ASAP1: variants seen among roughly 807,000 people sequenced by gnomAD.
The protein encoded by ASAP1 is arf-GAP with SH3 domain, ANK repeat and PH domain-containing protein 1.
In ASAP1, 43 loss-of-function variants were observed where a neutral mutation model predicts 145.2. The ratio of observed to expected loss-of-function variants is 0.30; its 90% CI spans 0.23 to 0.38. The LOEUF is 0.38. Among genes scored for constraint, ASAP1 ranks in the 10% least tolerant of loss-of-function variants. The pLI is 1.00. For missense variants in ASAP1, 1,018 were observed against 1,355.3 expected (o/e 0.75, Z 3.91); for synonymous variants, 546 against 515.5 (o/e 1.06, Z -0.80).
chr8:130,161,931 G>C (rs2097670009), intron 11 of ASAP1, among the ~76,000 whole-genome samples: 1 of 152,126 alleles, frequency 6.6e-6, no homozygotes, highest in Admixed American at 6.5e-5. Flanking sequence ...CTTCTGAGTA[G>C]CTGGGACTAC....
At chr8:130,375,946 A>G (rs1208457032) in intron 2 of ASAP1, among the ~76,000 whole-genome samples, 1 of 152,180 alleles carries the variant, frequency 6.6e-6, no homozygotes, top group East Asian at 1.9e-4. Flanking sequence ...TGTCCTGAGG[A>G]GTAGTGGGGA....
chr8:130,137,112 G>T, intron 13 of ASAP1, 74 bp from the exon 14 acceptor site: 2 of 1,256,702 alleles, frequency 1.6e-6, no homozygotes, highest in Non-Finnish European at 2.3e-6. Flanking sequence ...GCCCTGTAGG[G>T]CAGGTATGCT....
intron 27 of ASAP1, among the ~76,000 whole-genome samples, chr8:130,070,876 G>A (rs1468461557): frequency 4.1e-4 from 7 of 17,272 alleles, no homozygotes; most frequent in African/African-American, 5.2e-4. Context: ...GGAGAGAGAG[G>A]GAGAGAGGGA....
intron 5 of ASAP1, among the ~76,000 whole-genome samples, chr8:130,196,441 G>A (rs1815496944): frequency 6.6e-6 from 1 of 152,192 alleles, no homozygotes; most frequent in South Asian, 2.1e-4. Flanking sequence ...GGGCCTGCAG[G>A]TGGAGTGCCC....
intron 1 of ASAP1, among the ~76,000 whole-genome samples, chr8:130,437,492 TC>T (rs1484436310): frequency 6.6e-6 from 1 of 152,178 alleles, no homozygotes; most frequent in Non-Finnish European, 1.5e-5. Context: ...CTTCTGGTTT[TC>T]CCACCCACCG....
At chr8:130,135,372 C>T (rs2097592160) in intron 14 of ASAP1, among the ~76,000 whole-genome samples, 1 of 152,068 alleles carries the variant, frequency 6.6e-6, no homozygotes, top group African/African-American at 2.4e-5. Flanking sequence ...CCTGTGGTCC[C>T]AGCTACTTGG....
chr8:130,304,666 ACAGG>A (rs1460036682), intron 3 of ASAP1, among the ~76,000 whole-genome samples: 1 of 152,188 alleles, frequency 6.6e-6, no homozygotes, highest in East Asian at 1.9e-4. Context: ...TCAATTTTAC[ACAGG>A]AAGTACATCA....
chr8:130,159,619 A>G (rs2097665113), intron 12 of ASAP1, among the ~76,000 whole-genome samples: 1 of 151,456 alleles, frequency 6.6e-6, no homozygotes, highest in South Asian at 2.1e-4. Context: ...TGCATGTGCT[A>G]CTCAGTAGCT....
chr8:130,232,524 GT>G (rs1245994792), intron 4 of ASAP1, among the ~76,000 whole-genome samples: 2 of 151,834 alleles, frequency 1.3e-5, no homozygotes, highest in African/African-American at 4.8e-5. Flanking sequence ...TGAGTTTTGT[GT>G]TGTTTTTTAA....
chr8:130,354,519 C>CT lies in ASAP1; in HGVS notation c.186+3497dup, dbSNP rs1188158769. On this transcript the variant is annotated intron_variant, in intron 3 of 29. Transcript: ENST00000518721. ...ACAAAGGTACTAAGTATTAGCCACT[C>CT]TAAGTCTTTAAATAGAGGGTCCCTT... 3.3e-5 allele frequency among the ~76,000 whole-genome samples: 5 copies of CT among 152,280 alleles called. No homozygotes were observed. The South Asian group carries it at 6.2e-4, about 19-fold the overall frequency.
intron 3 of ASAP1, among the ~76,000 whole-genome samples, chr8:130,323,461 A>C (rs1824137221): frequency 6.6e-6 from 1 of 152,236 alleles, no homozygotes; most frequent in Admixed American, 6.5e-5. Flanking sequence ...TCTATCAGAC[A>C]AATATAAGTA....
At chr8:130,086,323 C>T (rs557909760) in intron 25 of ASAP1, among the ~76,000 whole-genome samples, 11 of 152,352 alleles carry the variant, frequency 7.2e-5, no homozygotes, top group African/African-American at 2.6e-4. Context: ...AGCATTTTCT[C>T]TCTGTGTAAC....
At chr8:130,115,305 A>T (rs1356080125) in intron 23 of ASAP1, among the ~76,000 whole-genome samples, 1 of 152,240 alleles carries the variant, frequency 6.6e-6, no homozygotes, top group Non-Finnish European at 1.5e-5. Context: ...TAGCCTGAAG[A>T]CTGCAACATT....
chr8:130,418,973 C>G (rs899828841), intron 1 of ASAP1, among the ~76,000 whole-genome samples: 7 of 152,060 alleles, frequency 4.6e-5, no homozygotes, highest in Non-Finnish European at 1.0e-4. Context: ...AGGAGACCCT[C>G]CCTAAGAGGC....
intron 24 of ASAP1, among the ~76,000 whole-genome samples, chr8:130,099,247 C>T (rs1031437333): frequency 1.3e-5 from 2 of 151,192 alleles, no homozygotes; most frequent in African/African-American, 2.4e-5. Context: ...GGCGAGATCT[C>T]GGCTCACTGC....
At chr8:130,212,030 T>C (rs545696426) in intron 5 of ASAP1, among the ~76,000 whole-genome samples, 11 of 152,046 alleles carry the variant, frequency 7.2e-5, no homozygotes, top group African/African-American at 1.9e-4. Flanking sequence ...TCGGGGTGAG[T>C]TGGCTTTCTG....
chr8:130,405,247 C>A (rs983771344), intron 1 of ASAP1, among the ~76,000 whole-genome samples: 1 of 151,344 alleles, frequency 6.6e-6, no homozygotes, highest in Non-Finnish European at 1.5e-5. Flanking sequence ...AACAATCCTG[C>A]AAGGGAGACA....
Position 130,054,347 on chromosome 8 carries a change from T to A in ASAP1, c.*384A>T. ...AATGTTGCATTTTCAGTAACACAAT[T>A]GAGAATACTGCATTGTTAGGAACAG... On this transcript the variant is annotated 3_prime_UTR_variant, in exon 30 of 30. Transcript: ENST00000518721. The A allele has an allele frequency of 5.6e-6, 1 of 178,432 alleles. No homozygotes were observed. 11.1% of individuals were successfully genotyped at this position (178,432 alleles called of 1,614,324 possible).
chr8:130,169,024 A>T lies in ASAP1; in HGVS notation c.790T>A (p.Tyr264Asn). Residue 264 changes from tyrosine (Y) to asparagine (N), a missense_variant, in exon 10 of 30, where the codon TAC becomes AAC. Around this residue, in one of 9 missense-constraint regions of ASAP1, gnomAD observed 62 missense variants for 68.5 expected, o/e 0.90. Coordinates refer to ENST00000518721, the MANE Select transcript of ASAP1 (RefSeq NM_018482.4). ...AAATCAGCAGCCAGTTTTTCAATGT[A>T]CTGTTTCAACTTATCAGCTGTTTTC... ...GLKTADKLKQ[Y>N]IEKLAADLYN... 6.3e-7 allele frequency: 1 copy of T among 1,576,346 alleles called. No homozygotes were observed. Among genetic ancestry groups the T allele is most frequent in the Non-Finnish European group, 8.6e-7 (1 of 1,165,080 alleles).
Sources: allele counts gnomAD v4.1 joint callset (sites outside exome capture counted in the v4.1 genomes callset), GRCh38; gene constraint gnomAD v4.1.1; regional missense constraint gnomAD v4.1.1; transcripts MANE v1.5; gene names NCBI Gene and HGNC (gene_info 2026-07-23, HGNC 2026-07-21).